Variants in FILIP1L observed in about 807,000 individuals in gnomAD.
FILIP1L encodes the protein filamin A-interacting protein 1-like.
Under a neutral mutation model 96.6 loss-of-function variants are expected in FILIP1L, and 55 were observed. The ratio of observed to expected loss-of-function variants is 0.57; its 90% CI spans 0.46 to 0.71. The LOEUF is 0.71. Ranked by LOEUF, FILIP1L falls within the 30% of genes least tolerant of loss-of-function variation. FILIP1L has a pLI of 0.00. For synonymous variants in FILIP1L, 467 were observed against 473.9 expected (o/e 0.99, Z 0.19); for missense variants, 1,304 against 1,321.2 (o/e 0.99, Z 0.20).
rs1708240121 is a variant in FILIP1L, at chr3:99,953,600, G to A, written c.-10-22570C>T. 2.0e-5 allele frequency among the ~76,000 whole-genome samples: 3 copies of A among 152,142 alleles called. No individual in the cohort carries two copies. The South Asian group carries it at 6.2e-4, about 31-fold the overall frequency. ...TAAAGAATTCAATAAAATCCAACCA[G>A]TCTTTTCTAAGATGACTTTGTGAGG... On this transcript the variant is annotated intron_variant, in intron 1 of 5. Coordinates refer to ENST00000477258, the MANE Select transcript of FILIP1L (RefSeq NM_001387850.1).
At chr3:100,038,982 T>C (rs1268380571) in intron 1 of FILIP1L, among the ~76,000 whole-genome samples, 1 of 152,214 alleles carries the variant, frequency 6.6e-6, no homozygotes, top group Non-Finnish European at 1.5e-5. Flanking sequence ...ACACACAATA[T>C]TGCTTGCCTA....
At chr3:100,061,500 T>C (rs1273902839) in intron 1 of FILIP1L, among the ~76,000 whole-genome samples, 2 of 152,254 alleles carry the variant, frequency 1.3e-5, no homozygotes, top group Non-Finnish European at 2.9e-5. Context: ...CACTATTTTA[T>C]TTCTTATTAA....
intron 1 of FILIP1L, among the ~76,000 whole-genome samples, chr3:100,043,614 C>A (rs748633434): frequency 2.9e-4 from 44 of 152,128 alleles, no homozygotes; most frequent in Non-Finnish European, 5.7e-4. Context: ...GACATGGAGA[C>A]TTGAGAAATT....
chr3:99,849,270 T>C lies in FILIP1L; in HGVS notation c.2406A>G (p.Thr802=), dbSNP rs775578797. The part of the protein sequence containing the change: ...DPQVFSKEVQ[T]EAVDNEPPDY... ...CAGGTGGTTCATTGTCTACTGCTTCTGTCTGAACTTCTTTAGAAAATACTT... is the reference window on the plus strand; with the variant it reads ...CAGGTGGTTCATTGTCTACTGCTTCCGTCTGAACTTCTTTAGAAAATACTT... Residue 802 remains threonine (T), a synonymous_variant, in exon 5 of 6, where the codon ACA becomes ACG. Transcript: ENST00000477258. The C allele has an allele frequency of 1.9e-6, 3 of 1,614,240 alleles. No homozygotes were observed. Among genetic ancestry groups the C allele is most frequent in the South Asian group, 1.1e-5 (1 of 91,092 alleles).
chr3:99,900,857 A>C (rs563168554), intron 4 of FILIP1L, among the ~76,000 whole-genome samples: 1 of 152,216 alleles, frequency 6.6e-6, no homozygotes, highest in Admixed American at 6.5e-5. Context: ...TGATTCTTAC[A>C]TGTAGCAAAG....
intron 1 of FILIP1L, among the ~76,000 whole-genome samples, chr3:100,007,174 T>C (rs865873649): frequency 2.0e-5 from 3 of 152,340 alleles, no homozygotes; most frequent in African/African-American, 4.8e-5. Context: ...TCACCTGTCA[T>C]TTTCTGCTCT....
At chr3:100,025,311 A>T (rs1018658293) in intron 1 of FILIP1L, 1 of 152,208 alleles carries the variant, frequency 6.6e-6, no homozygotes, top group Non-Finnish European at 1.5e-5. Context: ...TTTGAGCCAG[A>T]TGATTAGGTT....
At chr3:100,028,601 C>T (rs902159) in intron 1 of FILIP1L, among the ~76,000 whole-genome samples, 88,135 of 151,930 alleles carry the variant, frequency 0.58, 25,754 homozygotes, top group East Asian at 0.72. Context: ...ATGTATTTAC[C>T]TAGTAGGCAC....
At chr3:99,917,861 G>C (rs1707001264) in intron 4 of FILIP1L, among the ~76,000 whole-genome samples, 1 of 152,154 alleles carries the variant, frequency 6.6e-6, no homozygotes, top group African/African-American at 2.4e-5. Context: ...AGAATCCTAG[G>C]CTTGAGGTAA....
At chr3:99,931,808 A>G (rs1707490676) in intron 1 of FILIP1L, among the ~76,000 whole-genome samples, 1 of 152,252 alleles carries the variant, frequency 6.6e-6, no homozygotes, top group African/African-American at 2.4e-5. Context: ...ACATCTGATT[A>G]TATAATCATC....
chr3:99,857,705 C>G (rs962496982), intron 4 of FILIP1L, among the ~76,000 whole-genome samples: 1 of 152,120 alleles, frequency 6.6e-6, no homozygotes, highest in Non-Finnish European at 1.5e-5. Flanking sequence ...ACGAATTCCA[C>G]AAGCCATTAA....
intron 1 of FILIP1L, among the ~76,000 whole-genome samples, chr3:100,000,346 T>G (rs1007996593): frequency 6.6e-6 from 1 of 152,242 alleles, no homozygotes; most frequent in African/African-American, 2.4e-5. Flanking sequence ...TATTTATTTG[T>G]TTTCTTGTTT....
At chr3:99,951,380 G>C (rs184364093) in intron 1 of FILIP1L, among the ~76,000 whole-genome samples, 3 of 152,180 alleles carry the variant, frequency 2.0e-5, no homozygotes, top group Non-Finnish European at 2.9e-5. Context: ...ACAGGACGTG[G>C]TCTGTTTGCT....
intron 1 of FILIP1L, among the ~76,000 whole-genome samples, chr3:100,049,908 G>T (rs1442708196): frequency 6.6e-6 from 1 of 152,052 alleles, no homozygotes; most frequent in African/African-American, 2.4e-5. Flanking sequence ...GTTAAGTTTG[G>T]GGGGAGTCAA....
intron 5 of FILIP1L, among the ~76,000 whole-genome samples, chr3:99,837,361 C>T (rs1190826633): frequency 1.3e-5 from 2 of 150,142 alleles, no homozygotes; most frequent in Non-Finnish European, 3.0e-5. Context: ...ATCTCAGGCA[C>T]AGTGAATTCA....
chr3:100,099,669 C>T (rs2066271585), intron 1 of FILIP1L, among the ~76,000 whole-genome samples: 2 of 151,940 alleles, frequency 1.3e-5, no homozygotes, highest in African/African-American at 4.8e-5. Context: ...ATAAATATAC[C>T]ATGTTATTCA....
At position 99,918,122 on chromosome 3, in the gene FILIP1L, C is replaced by T. The variant is rs1265160867; in HGVS notation, c.605+6108G>A. On this transcript the variant is annotated intron_variant, in intron 4 of 5. Transcript: ENST00000477258. Reference sequence around the variant, plus strand: ...CCTCCTGAGTAGCTGGGATTACAGGCGCGCGGCACCACGCCCGGCTAATTT... The same window carrying T: ...CCTCCTGAGTAGCTGGGATTACAGGTGCGCGGCACCACGCCCGGCTAATTT... Among the ~76,000 whole-genome samples the T allele has an allele frequency of 5.3e-5, 8 of 152,096 alleles. No homozygotes were observed. The South Asian group carries it at 6.2e-4, about 12-fold the overall frequency.
intron 4 of FILIP1L, among the ~76,000 whole-genome samples, chr3:99,900,198 T>C (rs1212528873): frequency 6.6e-6 from 1 of 152,124 alleles, no homozygotes; most frequent in Non-Finnish European, 1.5e-5. Context: ...AATTTATGAC[T>C]ACAGGATGGA....
intron 4 of FILIP1L, among the ~76,000 whole-genome samples, chr3:99,901,416 A>G (rs1706431917): frequency 6.6e-6 from 1 of 152,206 alleles, no homozygotes; most frequent in South Asian, 2.1e-4. Context: ...GCTCATGTCA[A>G]AACAATGCAC....
Sources: gnomAD v4.1 joint callset for allele counts (sites outside exome capture counted in the v4.1 genomes callset) on GRCh38, gnomAD v4.1.1 for gene constraint, MANE v1.5 for transcripts, NCBI Gene and HGNC (gene_info 2026-07-23, HGNC 2026-07-21) for gene names.